Variants in CD44 observed in about 807,000 individuals in gnomAD.
CD44 encodes CD44 antigen.
In CD44, 49 loss-of-function variants were observed where a neutral mutation model predicts 88.8. That is an observed-to-expected ratio of 0.55 (90% CI 0.44 to 0.70). The LOEUF is 0.70. CD44 is among the 30% of genes least tolerant of loss of function. The pLI is 0.00. For missense variants in CD44, 883 were observed against 913.8 expected, an observed-to-expected ratio of 0.97 and a Z score of 0.43; for synonymous variants, 325 against 312.3, an observed-to-expected ratio of 1.04 and a Z score of -0.43.
At chr11:35,167,124 G>A (rs975090681) in intron 1 of CD44, among the ~76,000 whole-genome samples, 1 of 152,198 alleles carries the variant, frequency 6.6e-6, no homozygotes, top group Non-Finnish European at 1.5e-5. Flanking sequence ...TGACTTCTTC[G>A]TGTCCTATTA....
intron 1 of CD44, among the ~76,000 whole-genome samples, chr11:35,147,075 G>A (rs79656252): frequency 0.013 from 1,930 of 152,272 alleles, 37 homozygotes; most frequent in African/African-American, 0.044. Context: ...GGATAGGATA[G>A]GGCTGAAAGG....
rs2133645655 is a variant in CD44, at chr11:35,176,593, G to T, written c.86G>T (p.Arg29Leu). Residue 29 changes from arginine to leucine, a missense_variant, in exon 2 of 18, where the codon CGC becomes CTC. Arg to Leu is a moderately radical substitution (Grantham distance 102). This residue lies in a region of CD44 where 252 missense variants were observed against 322.9 expected (regional missense o/e 0.78). Coordinates refer to ENST00000428726, the MANE Select transcript of CD44 (RefSeq NM_000610.4). Reference protein sequence around the residue: ...LAQIDLNITCRFAGVFHVEKN... With the variant: ...LAQIDLNITCLFAGVFHVEKN... ...CCCATAGATTTGAATATAACCTGCCGCTTTGCAGGTGTATTCCACGTGGAG... is the reference window on the plus strand; with the variant it reads ...CCCATAGATTTGAATATAACCTGCCTCTTTGCAGGTGTATTCCACGTGGAG... 2 of 1,610,490 alleles carry T rather than the reference G, an allele frequency of 1.2e-6. No individual in the cohort carries two copies. The highest frequency in any genetic ancestry group is 1.7e-4 in the Middle Eastern group (1 of 6,038).
At chr11:35,197,796 T>G (rs1946908336) in intron 6 of CD44, 1 of 224,006 alleles carries the variant, frequency 4.5e-6, no homozygotes, top group Admixed American at 5.4e-5. Context: ...GGCATATGGT[T>G]AATGAGTTAA....
chr11:35,224,931 C>T (rs539586114), intron 17 of CD44, among the ~76,000 whole-genome samples: 2 of 152,282 alleles, frequency 1.3e-5, no homozygotes, highest in Admixed American at 6.5e-5. Context: ...CTCTACGCAT[C>T]GCCATAATTT....
chr11:35,203,501 T>C (rs1415480029), intron 9 of CD44, among the ~76,000 whole-genome samples: 1 of 152,172 alleles, frequency 6.6e-6, no homozygotes, highest in Non-Finnish European at 1.5e-5. Context: ...TTTGGCTTTT[T>C]TCCCCCTCCT....
intron 1 of CD44, among the ~76,000 whole-genome samples, chr11:35,166,982 G>A (rs560721163): frequency 6.6e-6 from 1 of 152,352 alleles, no homozygotes; most frequent in African/African-American, 2.4e-5. Flanking sequence ...TGGGCATCAG[G>A]AGATGGGGGC....
At chr11:35,175,864 CTTTTT>C (rs71457374) in intron 1 of CD44, among the ~76,000 whole-genome samples, 2 of 123,188 alleles carry the variant, frequency 1.6e-5, no homozygotes, top group Non-Finnish European at 1.7e-5. Context: ...TTTGTTTGTT[CTTTTT>C]TTTTTTTTTT....
intron 7 of CD44, among the ~76,000 whole-genome samples, chr11:35,200,367 C>T (rs186199785): frequency 7.9e-5 from 12 of 152,216 alleles, no homozygotes; most frequent in Admixed American, 2.6e-4. Context: ...GGTGGATGTA[C>T]GCCTCTTTCT....
intron 1 of CD44, among the ~76,000 whole-genome samples, chr11:35,165,357 T>C (rs921178790): frequency 6.6e-6 from 1 of 152,210 alleles, no homozygotes; most frequent in African/African-American, 2.4e-5. Context: ...TGAGTTGAGA[T>C]CTGGGTTTAC....
intron 17 of CD44, among the ~76,000 whole-genome samples, chr11:35,226,487 T>G (rs1949696516): frequency 6.6e-6 from 1 of 152,158 alleles, no homozygotes; most frequent in African/African-American, 2.4e-5. Context: ...AATAACGAGG[T>G]AGGTGGAGGC....
intron 1 of CD44, among the ~76,000 whole-genome samples, chr11:35,164,313 G>T (rs1943012371): frequency 6.6e-6 from 1 of 152,192 alleles, no homozygotes; most frequent in South Asian, 2.1e-4. Context: ...TGAGTGGATT[G>T]TACTCAGCCT....
Position 35,232,215 on chromosome 11 carries a change from A to G in CD44, c.*2882A>G, listed in dbSNP as rs546686135. 2.0e-4 allele frequency: 30 copies of G among 152,750 alleles called. No individual in the cohort carries two copies. The highest frequency in any genetic ancestry group is 6.7e-4 in the African/African-American group (28 of 41,572). 9.5% of individuals were successfully genotyped at this position (152,750 alleles called of 1,614,324 possible). On this transcript the variant is annotated 3_prime_UTR_variant, in exon 18 of 18. Coordinates refer to ENST00000428726, the MANE Select transcript of CD44 (RefSeq NM_000610.4). ...GTTTTCAAAGAATAGCCCATTGTTC[A>G]TTCTTGTGCTGTACAATGACCACTG...
intron 15 of CD44, among the ~76,000 whole-genome samples, chr11:35,215,575 AT>A (rs1010682225): frequency 1.3e-5 from 2 of 152,164 alleles, no homozygotes; most frequent in Non-Finnish European, 2.9e-5. Context: ...AACTGCCATT[AT>A]TGTAGGTCAA....
intron 1 of CD44, among the ~76,000 whole-genome samples, chr11:35,147,348 G>A (rs1379890725): frequency 1.3e-5 from 2 of 152,160 alleles, no homozygotes; most frequent in African/African-American, 4.8e-5. Flanking sequence ...CAGGGCACAA[G>A]GAATTTGGCA....
At chr11:35,212,095 G>A (rs1455369704) in intron 14 of CD44, among the ~76,000 whole-genome samples, 1 of 152,068 alleles carries the variant, frequency 6.6e-6, no homozygotes, top group African/African-American at 2.4e-5. Flanking sequence ...AATGAAGTTT[G>A]ACACGGACCT....
intron 1 of CD44, among the ~76,000 whole-genome samples, chr11:35,162,196 T>C (rs1942710773): frequency 6.6e-6 from 1 of 152,190 alleles, no homozygotes; most frequent in South Asian, 2.1e-4. Flanking sequence ...CCATGCTTTA[T>C]GGAAACTAAT....
chr11:35,169,807 T>G (rs1435204303), intron 1 of CD44, among the ~76,000 whole-genome samples: 1 of 152,218 alleles, frequency 6.6e-6, no homozygotes, highest in African/African-American at 2.4e-5. Context: ...TTAATGGCAT[T>G]TGGGATCAGT....
intron 1 of CD44, among the ~76,000 whole-genome samples, chr11:35,162,174 T>C (rs2133359165): frequency 6.6e-6 from 1 of 152,268 alleles, no homozygotes; most frequent in African/African-American, 2.4e-5. Flanking sequence ...TGCTGTGAAT[T>C]GACACCTTGC....
intron 9 of CD44, 99 bp from the exon 10 acceptor site, chr11:35,204,413 C>G (rs1402020935): frequency 8.8e-7 from 1 of 1,131,796 alleles, no homozygotes; most frequent in African/African-American, 1.6e-5. Context: ...TCTACCTTCC[C>G]TCCCCATGTG....
Sources: gnomAD v4.1 joint callset for allele counts (sites outside exome capture counted in the v4.1 genomes callset) on GRCh38, gnomAD v4.1.1 for gene constraint, gnomAD v4.1.1 regional missense constraint, MANE v1.5 for transcripts, NCBI Gene and HGNC (gene_info 2026-07-23, HGNC 2026-07-21) for gene names.